FAM216B: variants seen among roughly 807,000 people sequenced by gnomAD.
FAM216B encodes the protein protein FAM216B.
A neutral mutation model predicts 12.9 loss-of-function variants in FAM216B; 11 were observed. The ratio of observed to expected loss-of-function variants is 0.86; its 90% CI spans 0.54 to 1.42. The LOEUF is 1.42. FAM216B is among the 40% of genes most tolerant of loss of function. FAM216B has a pLI of 0.00. For synonymous variants in FAM216B, 52 were observed against 57.2 expected (o/e 0.91, Z 0.41); for missense variants, 167 against 162.9 (o/e 1.02, Z -0.14).
chr13:42,788,332 T>C (rs1326393972), intron 3 of FAM216B, among the ~76,000 whole-genome samples: 1 of 152,200 alleles, frequency 6.6e-6, no homozygotes, highest in Admixed American at 6.5e-5. Context: ...AAAGTTTTGA[T>C]ATCGAAGATA....
In FAM216B at chr13:42,791,037, A is replaced by G. The variant is rs887546507; in HGVS notation, c.*2247A>G. The G allele has an allele frequency of 2.6e-5, 4 of 152,194 alleles. No individual in the cohort carries two copies. Among genetic ancestry groups the G allele is most frequent in the South Asian group, 2.1e-4 (1 of 4,834 alleles). 9.4% of individuals were successfully genotyped at this position (152,194 alleles called of 1,614,324 possible). A position where few individuals can be genotyped will look rare whatever the true frequency, so the allele number is the denominator to read the frequency against. On this transcript the variant is annotated 3_prime_UTR_variant, in exon 4 of 4. Transcript: ENST00000313851. ...AAGTCTATCCCGCAAAGGGCAGGGA[A>G]TAGAGGGTACACTGGAAAGAATTTG...
Position 42,784,114 on chromosome 13 carries a change from A to C in FAM216B, c.47A>C (p.Gln16Pro). 6.2e-7 allele frequency: 1 copy of C among 1,607,920 alleles called. No homozygotes were observed. Among genetic ancestry groups the C allele is most frequent in the Non-Finnish European group, 8.5e-7 (1 of 1,177,522 alleles). ...KRQQKLWNVP[Q>P]LPFIRVPPSI... Reference sequence around the variant, plus strand: ...CAACAAAAGCTTTGGAATGTTCCACAACTTCCTTTTATTCGAGTTCCTCCC... The same window carrying C: ...CAACAAAAGCTTTGGAATGTTCCACCACTTCCTTTTATTCGAGTTCCTCCC... Residue 16 changes from glutamine (Q) to proline (P), a missense_variant, in exon 2 of 4, where the codon CAA becomes CCA. Physicochemically the swap from Gln to Pro is moderately conservative, Grantham distance 76. Coordinates refer to ENST00000313851, the MANE Select transcript of FAM216B (RefSeq NM_001318932.2).
At position 42,782,191 on chromosome 13, in the gene FAM216B, A is replaced by G. The variant is rs149469662; in HGVS notation, c.-15+527A>G. Among the ~76,000 whole-genome samples the G allele has an allele frequency of 1.2e-3, 176 of 152,344 alleles. 6 individuals carry two copies. The East Asian group carries it at 0.032, about 28-fold the overall frequency. Reference sequence around the variant, plus strand: ...ATGGAACCTTCGATGTGTGAACTCAAATCAGTCTCCACATGTATTACAATA... The same window carrying G: ...ATGGAACCTTCGATGTGTGAACTCAGATCAGTCTCCACATGTATTACAATA... On this transcript the variant is annotated intron_variant, in intron 1 of 3. Coordinates refer to ENST00000313851, the MANE Select transcript of FAM216B (RefSeq NM_001318932.2).
chr13:42,787,875 G>A (rs1462444960), intron 3 of FAM216B, among the ~76,000 whole-genome samples: 1 of 152,162 alleles, frequency 6.6e-6, no homozygotes, highest in East Asian at 1.9e-4. Context: ...TATGTGGCAG[G>A]TGTCTTTATG....
intron 2 of FAM216B, 26 bp from the exon 3 acceptor site, chr13:42,786,737 C>G (rs1462405556): frequency 2.5e-6 from 4 of 1,612,026 alleles, no homozygotes; most frequent in Non-Finnish European, 8.5e-7. Flanking sequence ...ACACACTCAT[C>G]AAAATCACCT....
Position 42,790,590 on chromosome 13 carries a change from C to T in FAM216B, c.*1800C>T, listed in dbSNP as rs1874279567. 6.6e-6 allele frequency: 1 copy of T among 152,108 alleles called. No homozygotes were observed. Among genetic ancestry groups the T allele is most frequent in the African/African-American group, 2.4e-5 (1 of 41,414 alleles). 9.4% of individuals were successfully genotyped at this position (152,108 alleles called of 1,614,324 possible). On this transcript the variant is annotated 3_prime_UTR_variant, in exon 4 of 4. Transcript: ENST00000313851. ...TGATAATATGCCCCTGCACTTGAGA[C>T]CTTACTTGAAACTTAAAGAAATGTG...
chr13:42,783,409 G>T (rs1873934094), intron 1 of FAM216B, among the ~76,000 whole-genome samples: 1 of 151,998 alleles, frequency 6.6e-6, no homozygotes, highest in Admixed American at 6.6e-5. Context: ...TATCCAAAAT[G>T]CTTGGGACCA....
chr13:42,786,650 A>G lies in FAM216B; in HGVS notation c.100-113A>G, dbSNP rs150091687. On this transcript the variant is annotated intron_variant, in intron 2 of 3. Coordinates refer to ENST00000313851, the MANE Select transcript of FAM216B (RefSeq NM_001318932.2). ...TTGTTGCACATTAAAAAAAAAAAAC[A>G]TATGGTTAGCAAGAAAAGCCTCTTA... 3.1e-5 allele frequency: 42 copies of G among 1,340,144 alleles called. No homozygotes were observed. In the African/African-American group the frequency reaches 5.4e-4, roughly 17 times the overall value. The allele number at this position is 1,340,144 out of a possible 1,614,324, so 83.0% of individuals were successfully genotyped here.
At chr13:42,787,795 G>A (rs574150316) in intron 3 of FAM216B, among the ~76,000 whole-genome samples, 3 of 152,260 alleles carry the variant, frequency 2.0e-5, no homozygotes, top group Admixed American at 6.5e-5. Flanking sequence ...ACCTTTTATT[G>A]AGGACTTCCT....
At chr13:42,782,647 GC>G (rs1873901919) in intron 1 of FAM216B, among the ~76,000 whole-genome samples, 1 of 152,134 alleles carries the variant, frequency 6.6e-6, no homozygotes, top group Non-Finnish European at 1.5e-5. Flanking sequence ...TTGTGATTTG[GC>G]AACCTATTCC....
At chr13:42,784,447 A>G (rs1365903001) in intron 2 of FAM216B, among the ~76,000 whole-genome samples, 1 of 151,812 alleles carries the variant, frequency 6.6e-6, no homozygotes, top group African/African-American at 2.4e-5. Context: ...TGGCCACACT[A>G]TGGCTCCCTG....
chr13:42,783,956 TA>T, intron 1 of FAM216B, 97 bp from the exon 2 acceptor site: 1 of 690,026 alleles, frequency 1.4e-6, no homozygotes, highest in Non-Finnish European at 2.4e-6. Context: ...ATTACATTTT[TA>T]AAAATTCATT....
At chr13:42,785,809 G>C (rs1458701848) in intron 2 of FAM216B, among the ~76,000 whole-genome samples, 1 of 76,606 alleles carries the variant, frequency 1.3e-5, no homozygotes, top group Non-Finnish European at 2.6e-5. Flanking sequence ...TCAGTTAAGA[G>C]TATGGTGTTT....
intron 1 of FAM216B, among the ~76,000 whole-genome samples, chr13:42,782,618 A>G (rs1027488048): frequency 2.6e-5 from 4 of 152,206 alleles, no homozygotes; most frequent in Admixed American, 6.5e-5. Flanking sequence ...CAGAGGGGAA[A>G]ATACTCTGGG....
rs993879279 is a variant in FAM216B at position 42,789,619 on chromosome 13, T to C, written c.*829T>C. ...TGCATTAGTTATATTTAATGGTTAT[T>C]TTCATCACCAGAGATTTTGTGTGTG... On this transcript the variant is annotated 3_prime_UTR_variant, in exon 4 of 4. Transcript: ENST00000313851. 1 of 140,654 alleles carries C rather than the reference T, an allele frequency of 7.1e-6. No individual in the cohort carries two copies. The highest frequency in any genetic ancestry group is 1.5e-5 in the Non-Finnish European group (1 of 65,564). The allele number at this position is 140,654 out of a possible 1,614,324, so 8.7% of individuals were successfully genotyped here. A position where few individuals can be genotyped will look rare whatever the true frequency, so the allele number is the denominator to read the frequency against.
intron 3 of FAM216B, 60 bp downstream of exon 3, chr13:42,786,943 G>A: frequency 6.3e-7 from 1 of 1,597,158 alleles, no homozygotes. Flanking sequence ...GCTGTAGCCA[G>A]AAGTCGTTTC....
rs1874224388 is a variant in FAM216B, at chr13:42,789,409, A to G, written c.*619A>G. The G allele has an allele frequency of 6.6e-6, 1 of 152,222 alleles. No homozygotes were observed. The allele number at this position is 152,222 out of a possible 1,614,324, so 9.4% of individuals were successfully genotyped here. A position where few individuals can be genotyped will look rare whatever the true frequency, so the allele number is the denominator to read the frequency against. The stretch of plus-strand genomic sequence containing the variant: ...TTTTATGGAGCTGTAACTGGCCTTG[A>G]CATGGGTAAGAGAATTCATGCACAC... On this transcript the variant is annotated 3_prime_UTR_variant, in exon 4 of 4. Coordinates refer to ENST00000313851, the MANE Select transcript of FAM216B (RefSeq NM_001318932.2).
intron 3 of FAM216B, 86 bp downstream of exon 3, chr13:42,786,969 A>C (rs1251227567): frequency 1.4e-5 from 22 of 1,571,842 alleles, no homozygotes; most frequent in South Asian, 1.2e-4. Flanking sequence ...AAATAATTCA[A>C]GCACAATGGC....
intron 2 of FAM216B, 103 bp from the exon 3 acceptor site, chr13:42,786,648 ACATATGGTTAGC>A: frequency 3.7e-6 from 5 of 1,358,116 alleles, no homozygotes; most frequent in Admixed American, 2.5e-5. Context: ...AAAAAAAAAA[ACATATGGTTAGC>A]AAGAAAAGCC....
Sources: allele counts gnomAD v4.1 joint callset (sites outside exome capture counted in the v4.1 genomes callset), GRCh38; gene constraint gnomAD v4.1.1; transcripts MANE v1.5; gene names NCBI Gene and HGNC (gene_info 2026-07-23, HGNC 2026-07-21).